MYO9A: variants seen among roughly 807,000 people sequenced by gnomAD.
MYO9A encodes unconventional myosin-IXa.
In MYO9A, 103 loss-of-function variants were observed where a neutral mutation model predicts 293.3. That is an observed-to-expected ratio of 0.35 (90% CI 0.30 to 0.41). The LOEUF is 0.41. Among genes scored for constraint, MYO9A ranks in the 10% least tolerant of loss-of-function variants. The probability of loss-of-function intolerance (pLI) is 1.00; values close to 1 mark genes in which losing one functional copy is unlikely to be tolerated. For missense variants in MYO9A, 2,685 were observed against 3,033.0 expected (o/e 0.89, Z 2.69); for synonymous variants, 1,001 against 1,035.7 (o/e 0.97, Z 0.64).
At chr15:72,107,407 A>G (rs1437973711) in intron 1 of MYO9A, among the ~76,000 whole-genome samples, 1 of 151,944 alleles carries the variant, frequency 6.6e-6, no homozygotes, top group Non-Finnish European at 1.5e-5. Context: ...AAATTAGCGA[A>G]GTATAGTGGC....
At chr15:71,957,811 T>G (rs934529024) in intron 14 of MYO9A, among the ~76,000 whole-genome samples, 3 of 152,194 alleles carry the variant, frequency 2.0e-5, no homozygotes, top group Admixed American at 2.0e-4. Context: ...CTTTGGACCC[T>G]CTTGTTCACG....
chr15:71,890,524 G>C (rs1482191909), intron 26 of MYO9A: 1 of 152,132 alleles, frequency 6.6e-6, no homozygotes, highest in Non-Finnish European at 1.5e-5. Context: ...AAAAACAACT[G>C]CTTAGCAGAA....
At chr15:71,847,400 A>G (rs143661041) in intron 39 of MYO9A, 17 of 449,472 alleles carry the variant, frequency 3.8e-5, no homozygotes, top group Middle Eastern at 3.3e-4. Flanking sequence ...GACACATTGC[A>G]TTATTAATAC....
chr15:71,995,235 G>C (rs906792212), intron 9 of MYO9A, among the ~76,000 whole-genome samples: 6 of 152,182 alleles, frequency 3.9e-5, no homozygotes, highest in Non-Finnish European at 7.4e-5. Flanking sequence ...CAGTAGGTAA[G>C]AGTATTCTAG....
chr15:72,060,439 T>G (rs745433450), intron 1 of MYO9A, among the ~76,000 whole-genome samples: 3 of 152,078 alleles, frequency 2.0e-5, no homozygotes, highest in Non-Finnish European at 4.4e-5. Flanking sequence ...GAGCCACTGG[T>G]GAGGGTAGGA....
chr15:72,036,090 C>T (rs938981249), intron 2 of MYO9A, among the ~76,000 whole-genome samples: 2 of 152,146 alleles, frequency 1.3e-5, no homozygotes, highest in African/African-American at 4.8e-5. Context: ...TTCAGATATA[C>T]ATAGTTGAAA....
chr15:72,017,311 C>G (rs1056677508), intron 6 of MYO9A, among the ~76,000 whole-genome samples: 7 of 152,036 alleles, frequency 4.6e-5, no homozygotes, highest in South Asian at 2.1e-4. Context: ...CTACTCTCGG[C>G]CCCCAAATTC....
intron 18 of MYO9A, among the ~76,000 whole-genome samples, chr15:71,923,493 G>A (rs1258793675): frequency 6.6e-6 from 1 of 152,120 alleles, no homozygotes; most frequent in Non-Finnish European, 1.5e-5. Flanking sequence ...GTCATGTAAT[G>A]GACTTTTCTT....
intron 12 of MYO9A, among the ~76,000 whole-genome samples, chr15:71,977,559 A>G (rs1452686941): frequency 6.6e-6 from 1 of 152,184 alleles, no homozygotes; most frequent in Non-Finnish European, 1.5e-5. Context: ...CTTTTCTGCT[A>G]AACATGAAAA....
At chr15:72,033,960 C>G (rs1219214424) in intron 2 of MYO9A, among the ~76,000 whole-genome samples, 2 of 152,174 alleles carry the variant, frequency 1.3e-5, no homozygotes, top group African/African-American at 2.4e-5. Flanking sequence ...ATGGCATGCC[C>G]TCTAACTCCA....
rs796340254 is a variant in MYO9A, at chr15:71,915,427, C to CT, written c.2685+942dup. ...GCTCCTTGGTCTTGCTTTTTCATTT[C>CT]TTTTTTTTTTTTTTTAAAGAGAAAG... On this transcript the variant is annotated intron_variant, in intron 19 of 41. Transcript: ENST00000356056. 5.1e-3 allele frequency among the ~76,000 whole-genome samples: 700 copies of CT among 137,990 alleles called. 2 individuals are homozygous for CT. The highest frequency in any genetic ancestry group is 6.7e-3 in the Admixed American group (92 of 13,698). 90.5% of individuals were successfully genotyped at this position (137,990 alleles called of 152,430 possible).
At chr15:71,956,180 T>C (rs545187259) in intron 14 of MYO9A, among the ~76,000 whole-genome samples, 2 of 146,598 alleles carry the variant, frequency 1.4e-5, no homozygotes, top group East Asian at 4.1e-4. Flanking sequence ...CATGGTGGCA[T>C]GTGCCTGTAG....
At chr15:72,077,750 A>ATAT (rs1472952149) in intron 1 of MYO9A, among the ~76,000 whole-genome samples, 10 of 45,840 alleles carry the variant, frequency 2.2e-4, no homozygotes, top group African/African-American at 7.7e-4. Flanking sequence ...AAAAAAAAAA[A>ATAT]AAATATATAT....
At chr15:71,937,038 A>G (rs2058661754) in intron 16 of MYO9A, among the ~76,000 whole-genome samples, 1 of 140,282 alleles carries the variant, frequency 7.1e-6, no homozygotes. Context: ...GGAAAAACGA[A>G]GGGAGGGAGG....
At chr15:72,020,523 C>G (rs1361980758) in intron 5 of MYO9A, among the ~76,000 whole-genome samples, 5 of 152,124 alleles carry the variant, frequency 3.3e-5, no homozygotes, top group Non-Finnish European at 5.9e-5. Flanking sequence ...GACTTCAAAA[C>G]ATGCAAATTA....
chr15:71,978,352 T>C (rs1230099253), intron 11 of MYO9A, 60 bp from the exon 12 acceptor site: 1 of 1,430,932 alleles, frequency 7.0e-7, no homozygotes, highest in South Asian at 1.3e-5. Flanking sequence ...AGGTATATAA[T>C]ATAGATTGAA....
chr15:71,919,078 C>CTTAAAT (rs1398495088), intron 18 of MYO9A, among the ~76,000 whole-genome samples: 2 of 152,188 alleles, frequency 1.3e-5, no homozygotes, highest in African/African-American at 2.4e-5. Flanking sequence ...ATTTTCAACA[C>CTTAAAT]TGCACATAAT....
At chr15:72,101,077 G>GC (rs1333275033) in intron 1 of MYO9A, among the ~76,000 whole-genome samples, 2 of 137,046 alleles carry the variant, frequency 1.5e-5, no homozygotes, top group South Asian at 2.4e-4. Context: ...GGGGGGTTCA[G>GC]CCCCCCGCCA....
intron 11 of MYO9A, among the ~76,000 whole-genome samples, chr15:71,984,606 T>TA (rs1257082981): frequency 1.3e-5 from 2 of 152,202 alleles, no homozygotes; most frequent in African/African-American, 2.4e-5. Context: ...ACTATGCTCT[T>TA]AGAGTATAAG....
Sources: allele counts gnomAD v4.1 joint callset (sites outside exome capture counted in the v4.1 genomes callset), GRCh38; gene constraint gnomAD v4.1.1; transcripts MANE v1.5; gene names NCBI Gene and HGNC (gene_info 2026-07-23, HGNC 2026-07-21).